Variants in CCDC73 observed in about 807,000 individuals in gnomAD.
The protein encoded by CCDC73 is coiled-coil domain-containing protein 73.
A neutral mutation model predicts 116.5 loss-of-function variants in CCDC73; 95 were observed. The observed-to-expected ratio is 0.82, with a 90% CI of 0.69 to 0.97. The LOEUF (loss-of-function observed/expected upper bound fraction) is 0.97. CCDC73 is among the 50% of genes least tolerant of loss of function. The pLI is 0.00. For synonymous variants in CCDC73, 398 were observed against 401.3 expected (o/e 0.99, Z 0.10); for missense variants, 1,066 against 1,206.8 (o/e 0.88, Z 1.73).
At chr11:32,767,179 C>T (rs1850450233) in intron 1 of CCDC73, among the ~76,000 whole-genome samples, 1 of 152,164 alleles carries the variant, frequency 6.6e-6, no homozygotes, top group South Asian at 2.1e-4. Context: ...CATCTACGAC[C>T]ATCTGATCTT....
At chr11:32,605,004 C>G (rs1469501181) in intron 17 of CCDC73, 8 of 152,104 alleles carry the variant, frequency 5.3e-5, no homozygotes, top group Admixed American at 6.6e-5. Flanking sequence ...AGGCACCCAC[C>G]ACGATGCCCA....
At chr11:32,723,046 A>G (rs1401384877) in intron 2 of CCDC73, among the ~76,000 whole-genome samples, 2 of 152,142 alleles carry the variant, frequency 1.3e-5, no homozygotes, top group African/African-American at 4.8e-5. Flanking sequence ...AACAGTATGG[A>G]TTGTTATGAT....
In CCDC73 at chr11:32,736,337, A is replaced by T. The variant is rs531181820; in HGVS notation, c.136-18190T>A. 3.0e-3 allele frequency among the ~76,000 whole-genome samples: 463 copies of T among 152,274 alleles called. 3 individuals are homozygous for T. The highest frequency in any genetic ancestry group is 1.3e-3 in the East Asian group (7 of 5,188). ...AAGAAAAAAACAAACAACCCCATCA[A>T]AAAGTGGGCAAAGGATATGAACAGA... On this transcript the variant is annotated intron_variant, in intron 2 of 17. Transcript: ENST00000335185.
In CCDC73 at chr11:32,614,156, A is replaced by T; in HGVS notation, c.2162T>A (p.Leu721Gln). 2 of 1,613,858 alleles carry T rather than the reference A, an allele frequency of 1.2e-6. No individual in the cohort carries two copies. Among genetic ancestry groups the T allele is most frequent in the South Asian group, 2.2e-5 (2 of 91,082 alleles). Reference protein sequence around the residue: ...SYAAFSANSKLLLKNSDKNVH... With the variant: ...SYAAFSANSKQLLKNSDKNVH... ...ATTTTTATCTGAGTTCTTCAGAAGT[A>T]GTTTTGAATTAGCACTAAAAGCAGC... The change falls in exon 16 of 18, where the codon CTA becomes CAA. Residue 721 changes from leucine (L) to glutamine (Q), a missense_variant. Transcript: ENST00000335185.
the CCDC73 span, among the ~76,000 whole-genome samples, chr11:32,826,502 T>A: frequency 3.9e-5 from 6 of 152,122 alleles, no homozygotes; most frequent in African/African-American, 1.4e-4. Context: ...TTCACACAGG[T>A]AAGTGGGCGG....
chr11:32,764,940 C>T (rs1850427090), intron 1 of CCDC73, among the ~76,000 whole-genome samples: 3 of 151,036 alleles, frequency 2.0e-5, no homozygotes, highest in Admixed American at 2.0e-4. Flanking sequence ...AAATGGAAAA[C>T]AAAAAAAAGC....
chr11:32,660,964 T>C (rs1009862141), intron 9 of CCDC73, among the ~76,000 whole-genome samples: 3 of 152,164 alleles, frequency 2.0e-5, no homozygotes, highest in African/African-American at 7.2e-5. Context: ...TGACTTAATA[T>C]AAACAGAAGA....
chr11:32,805,134 T>C, the CCDC73 span, among the ~76,000 whole-genome samples: 1 of 152,094 alleles, frequency 6.6e-6, no homozygotes, highest in African/African-American at 2.4e-5. Context: ...TCAGGCTGAG[T>C]AGAGTGAGTT....
intron 2 of CCDC73, among the ~76,000 whole-genome samples, chr11:32,737,231 CTGTGTGTGTGTG>C (rs200606807): frequency 1.2e-3 from 159 of 137,656 alleles, no homozygotes; most frequent in East Asian, 7.3e-3. Flanking sequence ...CATAGTAGGG[CTGTGTGTGTGTG>C]TGTGTGTGTG....
At chr11:32,712,951 T>C (rs1849915020) in intron 3 of CCDC73, among the ~76,000 whole-genome samples, 1 of 152,092 alleles carries the variant, frequency 6.6e-6, no homozygotes, top group Admixed American at 6.6e-5. Flanking sequence ...TAACTTCCTA[T>C]ATAAAGTATA....
At chr11:32,725,424 C>T (rs1254215189) in intron 2 of CCDC73, among the ~76,000 whole-genome samples, 2 of 152,116 alleles carry the variant, frequency 1.3e-5, no homozygotes, top group African/African-American at 4.8e-5. Flanking sequence ...TTTCAGGCAT[C>T]TGCTGCAGGT....
chr11:32,627,395 T>C lies in CCDC73; in HGVS notation c.1185+8301A>G, dbSNP rs1203691305. 4.6e-5 allele frequency among the ~76,000 whole-genome samples: 7 copies of C among 152,336 alleles called. No individual in the cohort carries two copies. The East Asian group carries it at 7.7e-4, about 17-fold the overall frequency. Reference sequence around the variant, plus strand: ...TGGGACTGTAAACTAGTTCAACCACTGTGGAAGTCAGTGTGGCGATTCTTC... The same window carrying C: ...TGGGACTGTAAACTAGTTCAACCACCGTGGAAGTCAGTGTGGCGATTCTTC... On this transcript the variant is annotated intron_variant, in intron 14 of 17. Coordinates refer to ENST00000335185, the MANE Select transcript of CCDC73 (RefSeq NM_001008391.4).
chr11:32,637,862 C>A (rs945995693), intron 13 of CCDC73, among the ~76,000 whole-genome samples: 1 of 152,180 alleles, frequency 6.6e-6, no homozygotes, highest in Non-Finnish European at 1.5e-5. Context: ...CAACCTCTCT[C>A]CTAGGAGTAG....
At chr11:32,622,331 A>T (rs1855529515) in intron 14 of CCDC73, among the ~76,000 whole-genome samples, 1 of 152,186 alleles carries the variant, frequency 6.6e-6, no homozygotes, top group African/African-American at 2.4e-5. Context: ...ATGCAGCCAT[A>T]AAAAGGAATG....
intron 2 of CCDC73, among the ~76,000 whole-genome samples, chr11:32,751,535 G>C (rs1850287491): frequency 6.6e-6 from 1 of 152,106 alleles, no homozygotes; most frequent in Admixed American, 6.5e-5. Flanking sequence ...TAGCCTGAAT[G>C]CACCCGCCAT....
chr11:32,739,473 A>C (rs1293003572), intron 2 of CCDC73, among the ~76,000 whole-genome samples: 1 of 152,052 alleles, frequency 6.6e-6, no homozygotes, highest in African/African-American at 2.4e-5. Flanking sequence ...AAATGAGATT[A>C]CTTTCTTGAC....
At chr11:32,659,793 A>C (rs1855905737) in intron 9 of CCDC73, among the ~76,000 whole-genome samples, 1 of 152,204 alleles carries the variant, frequency 6.6e-6, no homozygotes, top group South Asian at 2.1e-4. Flanking sequence ...GATATAGTTC[A>C]ATATAGACTA....
the CCDC73 span, among the ~76,000 whole-genome samples, chr11:32,801,219 A>G: frequency 1.3e-5 from 2 of 152,170 alleles, no homozygotes; most frequent in Non-Finnish European, 2.9e-5. Context: ...AAACTCATTC[A>G]CATGCCTATC....
chr11:32,723,553 C>T (rs1195329859), intron 2 of CCDC73, among the ~76,000 whole-genome samples: 5 of 152,136 alleles, frequency 3.3e-5, no homozygotes, highest in Admixed American at 6.5e-5. Context: ...TGCTTGGACA[C>T]GTGCCTGGCG....
Sources: gnomAD v4.1 joint callset for allele counts (sites outside exome capture counted in the v4.1 genomes callset) on GRCh38, gnomAD v4.1.1 for gene constraint, MANE v1.5 for transcripts, NCBI Gene and HGNC (gene_info 2026-07-23, HGNC 2026-07-21) for gene names.